ST6GALNAC3: variants seen among roughly 807,000 people sequenced by gnomAD.
ST6GALNAC3 encodes the protein alpha-N-acetylgalactosaminide alpha-2,6-sialyltransferase 3.
A neutral mutation model predicts 32.7 loss-of-function variants in ST6GALNAC3; 25 were observed. That is an observed-to-expected ratio of 0.76 (90% CI 0.56 to 1.07). ST6GALNAC3 has a LOEUF of 1.07. Among genes scored for constraint, ST6GALNAC3 ranks in the 50% least tolerant of loss-of-function variants. ST6GALNAC3 has a pLI of 0.00. For missense variants in ST6GALNAC3, 355 were observed against 382.4 expected (o/e 0.93, Z 0.60); for synonymous variants, 129 against 133.1 (o/e 0.97, Z 0.21).
At chr1:76,490,054 A>G (rs2101687969) in intron 3 of ST6GALNAC3, among the ~76,000 whole-genome samples, 1 of 152,196 alleles carries the variant, frequency 6.6e-6, no homozygotes, top group South Asian at 2.1e-4. Context: ...CATATGCTTC[A>G]TGGGAAACAT....
intron 2 of ST6GALNAC3, among the ~76,000 whole-genome samples, chr1:76,382,052 A>T (rs766076303): frequency 5.9e-5 from 9 of 152,204 alleles, no homozygotes; most frequent in African/African-American, 2.2e-4. Flanking sequence ...CAGATTCTCA[A>T]TTGAGAATCT....
At chr1:76,086,375 A>G (rs899381483) in intron 1 of ST6GALNAC3, among the ~76,000 whole-genome samples, 2 of 152,142 alleles carry the variant, frequency 1.3e-5, no homozygotes, top group African/African-American at 4.8e-5. Context: ...TTTCGTGTTG[A>G]TGATTCATAG....
At chr1:76,614,702 G>A (rs1557627874) in intron 3 of ST6GALNAC3, among the ~76,000 whole-genome samples, 1 of 112,750 alleles carries the variant, frequency 8.9e-6, no homozygotes, top group Non-Finnish European at 1.6e-5. Flanking sequence ...CTGGGTGACA[G>A]AGCGAGACTC....
intron 3 of ST6GALNAC3, among the ~76,000 whole-genome samples, chr1:76,526,375 A>G (rs140772006): frequency 0.02 from 3,071 of 152,212 alleles, 55 homozygotes; most frequent in Non-Finnish European, 0.028. Flanking sequence ...TTTCATGCCC[A>G]GAGAATGAGC....
At chr1:76,498,451 C>T (rs916768645) in intron 3 of ST6GALNAC3, among the ~76,000 whole-genome samples, 11 of 152,142 alleles carry the variant, frequency 7.2e-5, no homozygotes, top group African/African-American at 2.6e-4. Context: ...GACCTGATGG[C>T]TTATGGTGAC....
At chr1:76,107,918 A>G (rs562863398) in intron 1 of ST6GALNAC3, among the ~76,000 whole-genome samples, 111 of 152,268 alleles carry the variant, frequency 7.3e-4, no homozygotes, top group African/African-American at 2.6e-3. Context: ...GTCGGTAGAC[A>G]TTTATATTTC....
At chr1:76,396,262 C>T (rs916570713) in intron 2 of ST6GALNAC3, among the ~76,000 whole-genome samples, 8 of 152,024 alleles carry the variant, frequency 5.3e-5, no homozygotes, top group African/African-American at 1.4e-4. Context: ...TCCAGGAGTT[C>T]GAGACCAGCC....
intron 1 of ST6GALNAC3, among the ~76,000 whole-genome samples, chr1:76,107,315 A>G (rs76658317): frequency 9.6e-6 from 1 of 104,046 alleles, no homozygotes; most frequent in Non-Finnish European, 2.1e-5. Context: ...TTTTTTTTTT[A>G]TAATAATCAG....
At chr1:76,483,316 G>C (rs1489846199) in intron 3 of ST6GALNAC3, among the ~76,000 whole-genome samples, 1 of 152,136 alleles carries the variant, frequency 6.6e-6, no homozygotes, top group East Asian at 1.9e-4. Context: ...TTCCACAATG[G>C]TTGAACTAGT....
At chr1:76,216,206 T>A (rs1230848242) in intron 1 of ST6GALNAC3, among the ~76,000 whole-genome samples, 1 of 152,116 alleles carries the variant, frequency 6.6e-6, no homozygotes, top group East Asian at 1.9e-4. Context: ...TTACAACCTT[T>A]CCCTGGACTC....
intron 1 of ST6GALNAC3, among the ~76,000 whole-genome samples, chr1:76,204,341 A>T (rs1040956961): frequency 6.6e-6 from 1 of 152,234 alleles, no homozygotes; most frequent in Non-Finnish European, 1.5e-5. Context: ...TATTGTTGCC[A>T]TAAATATGGG....
intron 1 of ST6GALNAC3, among the ~76,000 whole-genome samples, chr1:76,197,965 G>A (rs760096568): frequency 5.3e-5 from 8 of 152,208 alleles, no homozygotes; most frequent in Non-Finnish European, 1.2e-4. Flanking sequence ...GTACCTTGTG[G>A]AAGTAAAATT....
intron 2 of ST6GALNAC3, among the ~76,000 whole-genome samples, chr1:76,395,530 G>T (rs902537653): frequency 1.3e-5 from 2 of 152,074 alleles, no homozygotes; most frequent in East Asian, 3.8e-4. Flanking sequence ...CAATGACATG[G>T]ATTCAATCTA....
intron 1 of ST6GALNAC3, among the ~76,000 whole-genome samples, chr1:76,111,272 T>C (rs1647913899): frequency 2.0e-5 from 3 of 152,142 alleles, no homozygotes; most frequent in African/African-American, 7.2e-5. Context: ...AAATAAAATA[T>C]TACAGGCAGA....
chr1:76,207,352 C>T (rs72996602), intron 1 of ST6GALNAC3, among the ~76,000 whole-genome samples: 2,211 of 152,324 alleles, frequency 0.015, 59 homozygotes, highest in African/African-American at 0.051. Context: ...ACAACTGCTC[C>T]TTCTGCTCCT....
Position 76,412,028 on chromosome 1 carries a change from C to T in ST6GALNAC3, c.234C>T (p.Asp78=). ...KTQEPLQLDC[D]LCAIVSNSGQ... is the part of the protein sequence containing the mutation. ...TTCAGCCTTTGCAACTGGACTGTGA[C>T]CTTTGTGCCATAGTGTCAAACTCAG... is the stretch of plus-strand genomic sequence containing the variant. Residue 78 remains aspartate, a synonymous_variant, in exon 3 of 5, where the codon GAC becomes GAT. Transcript: ENST00000328299. The T allele has an allele frequency of 6.2e-7, 1 of 1,613,270 alleles. No homozygotes were observed. Among genetic ancestry groups the T allele is most frequent in the South Asian group, 1.1e-5 (1 of 91,020 alleles).
chr1:76,104,147 C>T (rs1647363918), intron 1 of ST6GALNAC3, among the ~76,000 whole-genome samples: 2 of 152,026 alleles, frequency 1.3e-5, no homozygotes, highest in Non-Finnish European at 2.9e-5. Flanking sequence ...TCTGTTATTT[C>T]TGCTGGTTTT....
chr1:76,155,481 T>C (rs1651342877), intron 1 of ST6GALNAC3, among the ~76,000 whole-genome samples: 1 of 152,164 alleles, frequency 6.6e-6, no homozygotes, highest in Admixed American at 6.5e-5. Context: ...TATTTTATTT[T>C]ATTTTTTTGA....
At chr1:76,549,273 G>T (rs930840195) in intron 3 of ST6GALNAC3, among the ~76,000 whole-genome samples, 1 of 151,948 alleles carries the variant, frequency 6.6e-6, no homozygotes, top group Non-Finnish European at 1.5e-5. Context: ...ATGTCCCCGT[G>T]TCCCTTCCCT....
Sources: gnomAD v4.1 joint callset for allele counts (sites outside exome capture counted in the v4.1 genomes callset) on GRCh38, gnomAD v4.1.1 for gene constraint, MANE v1.5 for transcripts, NCBI Gene and HGNC (gene_info 2026-07-23, HGNC 2026-07-21) for gene names.